Variants in NXPH1 observed in about 807,000 individuals in gnomAD.
NXPH1 encodes the protein neurexophilin 1.
A neutral mutation model predicts 23.7 loss-of-function variants in NXPH1; 5 were observed. That is an observed-to-expected ratio of 0.21 (90% CI 0.11 to 0.44). The LOEUF is 0.44. Ranked by LOEUF, NXPH1 falls within the 20% of genes least tolerant of loss-of-function variation. The probability of loss-of-function intolerance (pLI) is 0.99; values close to 1 mark genes in which losing one functional copy is unlikely to be tolerated. For missense variants in NXPH1, 324 were observed against 321.6 expected, an observed-to-expected ratio of 1.01 and a Z score of -0.06; for synonymous variants, 144 against 122.2, an observed-to-expected ratio of 1.18 and a Z score of -1.18.
intron 2 of NXPH1, among the ~76,000 whole-genome samples, chr7:8,544,035 G>T (rs893545809): frequency 7.3e-5 from 11 of 151,636 alleles, no homozygotes; most frequent in Middle Eastern, 3.4e-3. Context: ...AGCTACATCC[G>T]CAATCCAACT....
intron 2 of NXPH1, among the ~76,000 whole-genome samples, chr7:8,696,840 C>CAAAAAAAA (rs3059126): frequency 1.1e-3 from 111 of 96,828 alleles, no homozygotes; most frequent in South Asian, 1.8e-3. Flanking sequence ...GACTCCCTCT[C>CAAAAAAAA]AAAAAAAAAA....
At chr7:8,521,585 T>C (rs1052509356) in intron 2 of NXPH1, among the ~76,000 whole-genome samples, 2 of 152,164 alleles carry the variant, frequency 1.3e-5, no homozygotes, top group Non-Finnish European at 2.9e-5. Context: ...CTCTAGTTGT[T>C]GAATGATGGA....
intron 2 of NXPH1, among the ~76,000 whole-genome samples, chr7:8,607,456 T>C (rs1305008004): frequency 6.6e-6 from 1 of 152,194 alleles, no homozygotes; most frequent in Non-Finnish European, 1.5e-5. Context: ...ATGAACTTCA[T>C]TAGTTGATCA....
At chr7:8,721,332 G>A (rs1339908423) in intron 2 of NXPH1, among the ~76,000 whole-genome samples, 2 of 151,914 alleles carry the variant, frequency 1.3e-5, no homozygotes, top group Non-Finnish European at 2.9e-5. Flanking sequence ...TCGGTAAATG[G>A]CATATGGAAG....
At chr7:8,681,455 T>C (rs983869655) in intron 2 of NXPH1, among the ~76,000 whole-genome samples, 20 of 152,276 alleles carry the variant, frequency 1.3e-4, no homozygotes, top group African/African-American at 4.8e-4. Flanking sequence ...AATTGTAATA[T>C]ATAGTTCAAT....
chr7:8,742,168 A>G (rs988363219), intron 2 of NXPH1, among the ~76,000 whole-genome samples: 3 of 152,200 alleles, frequency 2.0e-5, no homozygotes, highest in African/African-American at 7.2e-5. Flanking sequence ...TACTATATCC[A>G]TGTAAGTCTA....
At chr7:8,676,562 G>A (rs535489610) in intron 2 of NXPH1, among the ~76,000 whole-genome samples, 24 of 152,136 alleles carry the variant, frequency 1.6e-4, no homozygotes, top group Non-Finnish European at 2.9e-4. Flanking sequence ...TGGATATATA[G>A]AGAAATGTTG....
intron 2 of NXPH1, among the ~76,000 whole-genome samples, chr7:8,610,217 A>G (rs1234047530): frequency 3.9e-5 from 6 of 152,128 alleles, no homozygotes; most frequent in African/African-American, 1.4e-4. Flanking sequence ...TGAAATTTCT[A>G]AGAAAGGAGA....
At chr7:8,678,970 A>G (rs1210612780) in intron 2 of NXPH1, among the ~76,000 whole-genome samples, 1 of 64,774 alleles carries the variant, frequency 1.5e-5, no homozygotes, top group Non-Finnish European at 2.7e-5. Context: ...TTTTGTTGAG[A>G]CGGAGTCTCG....
chr7:8,454,244 A>G (rs1406991255), intron 2 of NXPH1, among the ~76,000 whole-genome samples: 1 of 152,182 alleles, frequency 6.6e-6, no homozygotes, highest in African/African-American at 2.4e-5. Flanking sequence ...GAAAGTTTAA[A>G]AAAGGAATTT....
intron 2 of NXPH1, among the ~76,000 whole-genome samples, chr7:8,443,064 A>C (rs1816329798): frequency 6.6e-6 from 1 of 152,172 alleles, no homozygotes; most frequent in Admixed American, 6.5e-5. Flanking sequence ...CTGGGTCCTT[A>C]AAGTCGAGTT....
chr7:8,673,832 C>T (rs1255286237), intron 2 of NXPH1, among the ~76,000 whole-genome samples: 1 of 152,092 alleles, frequency 6.6e-6, no homozygotes, highest in Non-Finnish European at 1.5e-5. Context: ...AAAAACACAT[C>T]TTCCCCAAAT....
intron 2 of NXPH1, among the ~76,000 whole-genome samples, chr7:8,465,566 G>T (rs879437428): frequency 6.6e-6 from 1 of 152,116 alleles, no homozygotes; most frequent in African/African-American, 2.4e-5. Context: ...CTAGTGTAGC[G>T]CAAGATACCA....
chr7:8,450,411 T>C (rs984718724), intron 2 of NXPH1, among the ~76,000 whole-genome samples: 1 of 152,250 alleles, frequency 6.6e-6, no homozygotes, highest in Non-Finnish European at 1.5e-5. Flanking sequence ...CAAAAGAGTT[T>C]CAGACATCCA....
At chr7:8,590,004 AT>A (rs1219806600) in intron 2 of NXPH1, among the ~76,000 whole-genome samples, 6 of 152,096 alleles carry the variant, frequency 3.9e-5, no homozygotes, top group Admixed American at 2.0e-4. Context: ...GGCATAGAAC[AT>A]TTCCCTCATG....
chr7:8,682,137 A>T (rs536934500), intron 2 of NXPH1, among the ~76,000 whole-genome samples: 1 of 152,270 alleles, frequency 6.6e-6, no homozygotes, highest in Admixed American at 6.5e-5. Flanking sequence ...TTGAAAGGGC[A>T]AGGGAGGGGC....
intron 2 of NXPH1, among the ~76,000 whole-genome samples, chr7:8,552,346 GT>G (rs1222530371): frequency 4.0e-5 from 6 of 151,328 alleles, no homozygotes; most frequent in Non-Finnish European, 8.9e-5. Flanking sequence ...GTAGCACTTT[GT>G]TTGAATGAAA....
chr7:8,660,579 A>T (rs147893482), intron 2 of NXPH1, among the ~76,000 whole-genome samples: 88 of 152,334 alleles, frequency 5.8e-4, no homozygotes, highest in Non-Finnish European at 1.2e-3. Context: ...ATTTTTTGGC[A>T]TCTGAGGACA....
At chr7:8,479,991 TAAATA>T (rs1390464169) in intron 2 of NXPH1, among the ~76,000 whole-genome samples, 7 of 152,126 alleles carry the variant, frequency 4.6e-5, no homozygotes, top group African/African-American at 1.7e-4. Context: ...AAATAATTAA[TAAATA>T]AAATTAGAGA....
Sources: allele counts gnomAD v4.1 joint callset (sites outside exome capture counted in the v4.1 genomes callset), GRCh38; gene constraint gnomAD v4.1.1; transcripts MANE v1.5; gene names NCBI Gene and HGNC (gene_info 2026-07-23, HGNC 2026-07-21).